The following CDH2 variants were observed in gnomAD, a reference collection of about 807,000 sequenced individuals.
CDH2 encodes cadherin 2.
CDH2 carries 17 observed loss-of-function variants against 92.0 expected under a neutral mutation model. The observed-to-expected ratio is 0.18, with a 90% CI of 0.13 to 0.28. The LOEUF (loss-of-function observed/expected upper bound fraction) is 0.28, where lower values mean the gene tolerates loss of function less well. Ranked by LOEUF, CDH2 falls within the 10% of genes least tolerant of loss-of-function variation. The probability of loss-of-function intolerance (pLI) is 1.00; values close to 1 mark genes in which losing one functional copy is unlikely to be tolerated. For synonymous variants in CDH2, 419 were observed against 415.9 expected (o/e 1.01, Z -0.09); for missense variants, 862 against 1,133.1 (o/e 0.76, Z 3.44).
chr18:28,159,757 A>C (rs777054198), intron 1 of CDH2, among the ~76,000 whole-genome samples: 13 of 152,002 alleles, frequency 8.6e-5, no homozygotes, highest in Non-Finnish European at 1.3e-4. Flanking sequence ...CCGCAGCTCA[A>C]GCAATTCTCC....
At chr18:28,003,691 T>C (rs2012835100) in intron 6 of CDH2, among the ~76,000 whole-genome samples, 1 of 152,252 alleles carries the variant, frequency 6.6e-6, no homozygotes, top group Non-Finnish European at 1.5e-5. Context: ...AACCATTTCA[T>C]GCACTGCTGT....
intron 1 of CDH2, among the ~76,000 whole-genome samples, chr18:28,162,790 G>A (rs2016325265): frequency 6.6e-6 from 1 of 152,172 alleles, no homozygotes; most frequent in African/African-American, 2.4e-5. Flanking sequence ...TGTGCCTTCA[G>A]GTGAGTGGTT....
At chr18:28,040,168 G>T (rs551926912) in intron 2 of CDH2, among the ~76,000 whole-genome samples, 2 of 152,268 alleles carry the variant, frequency 1.3e-5, no homozygotes, top group South Asian at 4.1e-4. Flanking sequence ...ATCCAAACAA[G>T]TGTGTGGCAT....
chr18:28,050,744 C>T (rs564014092), intron 2 of CDH2, among the ~76,000 whole-genome samples: 1 of 152,234 alleles, frequency 6.6e-6, no homozygotes, highest in Non-Finnish European at 1.5e-5. Context: ...CCATTCCCAC[C>T]CCCAGATGGT....
chr18:28,123,026 A>G (rs189232021), intron 2 of CDH2, among the ~76,000 whole-genome samples: 1 of 152,234 alleles, frequency 6.6e-6, no homozygotes, highest in East Asian at 1.9e-4. Flanking sequence ...AAGGTGACAA[A>G]TTGTGTTTTA....
At chr18:27,959,260 T>C (rs2011336110) in intron 15 of CDH2, among the ~76,000 whole-genome samples, 1 of 152,218 alleles carries the variant, frequency 6.6e-6, no homozygotes, top group Non-Finnish European at 1.5e-5. Context: ...TTACTCTGCC[T>C]ACCAGACTGG....
intron 7 of CDH2, among the ~76,000 whole-genome samples, chr18:28,000,834 C>T (rs1441313570): frequency 6.6e-6 from 1 of 152,080 alleles, no homozygotes; most frequent in African/African-American, 2.4e-5. Flanking sequence ...AGGTGTCATA[C>T]ATCCTGAGAG....
At chr18:28,153,092 C>T (rs1310042302) in intron 1 of CDH2, among the ~76,000 whole-genome samples, 1 of 152,104 alleles carries the variant, frequency 6.6e-6, no homozygotes, top group Non-Finnish European at 1.5e-5. Flanking sequence ...CCGTGGAAGT[C>T]AAGGAAGACT....
In CDH2 at chr18:27,964,376, T is replaced by G. The variant is rs567644109; in HGVS notation, c.2350-855A>C. Among the ~76,000 whole-genome samples the G allele has an allele frequency of 2.0e-5, 3 of 152,338 alleles. No individual in the cohort carries two copies. The East Asian group carries it at 5.8e-4, about 29-fold the overall frequency. On this transcript the variant is annotated intron_variant, in intron 14 of 15. Transcript: ENST00000269141. ...GACAGGAATGTATAAAGAAAGAGAC[T>G]ACAATGTGGAAATAATCCACATTTA...
At chr18:28,002,483 A>G (rs2012797907) in intron 7 of CDH2, among the ~76,000 whole-genome samples, 1 of 152,230 alleles carries the variant, frequency 6.6e-6, no homozygotes, top group East Asian at 1.9e-4. Flanking sequence ...ACTACTGCTT[A>G]AATCTTTTAA....
intron 2 of CDH2, among the ~76,000 whole-genome samples, chr18:28,043,902 T>TTTC (rs2014015491): frequency 3.5e-5 from 1 of 28,540 alleles, no homozygotes; most frequent in Non-Finnish European, 6.2e-5. Context: ...TTTTTTTTTT[T>TTTC]TTTTTTTTTT....
chr18:28,108,160 C>T lies in CDH2; in HGVS notation c.172+39513G>A, dbSNP rs11661741. Among the ~76,000 whole-genome samples, 1,256 of 152,172 alleles carry T rather than the reference C, an allele frequency of 8.3e-3. 9 individuals are homozygous for T. The highest frequency in any genetic ancestry group is 0.014 in the Non-Finnish European group (962 of 67,996). ...AAACTACCCTTACTTATCCCATTAACAGATAGGTGTTGAGAGGGCATGGAA... is the reference window on the plus strand; with the variant it reads ...AAACTACCCTTACTTATCCCATTAATAGATAGGTGTTGAGAGGGCATGGAA... On this transcript the variant is annotated intron_variant, in intron 2 of 15. Coordinates refer to ENST00000269141, the MANE Select transcript of CDH2 (RefSeq NM_001792.5).
intron 15 of CDH2, among the ~76,000 whole-genome samples, chr18:27,962,942 C>T (rs910734164): frequency 2.6e-5 from 4 of 152,062 alleles, no homozygotes; most frequent in Admixed American, 2.0e-4. Context: ...TGAATTCTCA[C>T]GATTTGTGGG....
At chr18:28,066,612 G>A (rs1169066902) in intron 2 of CDH2, among the ~76,000 whole-genome samples, 1 of 151,882 alleles carries the variant, frequency 6.6e-6, no homozygotes, top group Non-Finnish European at 1.5e-5. Flanking sequence ...TTTAGATTAG[G>A]TGCCACTGAA....
chr18:28,108,766 T>C (rs553968773), intron 2 of CDH2, among the ~76,000 whole-genome samples: 40 of 148,014 alleles, frequency 2.7e-4, no homozygotes, highest in African/African-American at 1.0e-3. Context: ...GCAAAAAACA[T>C]AGATGTACCT....
intron 6 of CDH2, among the ~76,000 whole-genome samples, chr18:27,942,771 A>G (rs1335569657): frequency 6.6e-6 from 1 of 152,194 alleles, no homozygotes. Context: ...TGGAAAATGA[A>G]ACATGTCGGC....
chr18:28,128,566 G>C (rs548328498), intron 2 of CDH2, among the ~76,000 whole-genome samples: 14 of 151,960 alleles, frequency 9.2e-5, no homozygotes, highest in Non-Finnish European at 1.9e-4. Flanking sequence ...CATGCCTGTA[G>C]TCCCAGCTAC....
At chr18:28,026,071 G>T (rs1290880587) in intron 2 of CDH2, among the ~76,000 whole-genome samples, 1 of 152,132 alleles carries the variant, frequency 6.6e-6, no homozygotes, top group Non-Finnish European at 1.5e-5. Flanking sequence ...TGAAAAGCTA[G>T]AAACCAGAAT....
intron 1 of CDH2, among the ~76,000 whole-genome samples, chr18:28,171,031 C>T (rs1437517628): frequency 1.3e-5 from 2 of 151,724 alleles, no homozygotes; most frequent in Non-Finnish European, 2.9e-5. Context: ...GAGTTCGAGT[C>T]GAGACCAGCC....
Sources: gnomAD v4.1 joint callset for allele counts (sites outside exome capture counted in the v4.1 genomes callset) on GRCh38, gnomAD v4.1.1 for gene constraint, MANE v1.5 for transcripts, NCBI Gene and HGNC (gene_info 2026-07-23, HGNC 2026-07-21) for gene names.